The following SLC14A2 variants were observed in gnomAD, a reference collection of about 807,000 sequenced individuals.
SLC14A2 encodes solute carrier family 14 member 2.
A neutral mutation model predicts 104.6 loss-of-function variants in SLC14A2; 91 were observed. The observed-to-expected ratio is 0.87, with a 90% CI of 0.73 to 1.04. The LOEUF is 1.04. Ranked by LOEUF, SLC14A2 falls within the 50% of genes least tolerant of loss-of-function variation. The probability of loss-of-function intolerance (pLI) is 0.00; values close to 1 mark genes in which losing one functional copy is unlikely to be tolerated. For missense variants in SLC14A2, 1,189 were observed against 1,156.0 expected, an observed-to-expected ratio of 1.03 and a Z score of -0.41; for synonymous variants, 476 against 466.4, an observed-to-expected ratio of 1.02 and a Z score of -0.27.
chr18:45,571,978 A>G (rs909135552), intron 2 of SLC14A2, among the ~76,000 whole-genome samples: 1 of 152,194 alleles, frequency 6.6e-6, no homozygotes, highest in African/African-American at 2.4e-5. Flanking sequence ...CTTTTAAAAC[A>G]GTGCATAGAC....
chr18:45,561,510 G>A (rs918306847), intron 2 of SLC14A2, among the ~76,000 whole-genome samples: 7 of 152,156 alleles, frequency 4.6e-5, no homozygotes, highest in Non-Finnish European at 7.3e-5. Context: ...CTTATGCCAG[G>A]AGGAGGGGCA....
chr18:45,331,024 A>G (rs1217248015), intron 1 of SLC14A2, among the ~76,000 whole-genome samples: 1 of 152,256 alleles, frequency 6.6e-6, no homozygotes, highest in Non-Finnish European at 1.5e-5. Flanking sequence ...AAGGAACATA[A>G]GAAAATACAT....
intron 2 of SLC14A2, among the ~76,000 whole-genome samples, chr18:45,590,877 G>A (rs569991074): frequency 1.4e-4 from 22 of 152,334 alleles, no homozygotes; most frequent in East Asian, 9.6e-4. Flanking sequence ...ACCCTGCAAC[G>A]TAATGATATT....
At chr18:45,543,829 G>A (rs566165081) in intron 2 of SLC14A2, among the ~76,000 whole-genome samples, 7 of 152,228 alleles carry the variant, frequency 4.6e-5, no homozygotes, top group Non-Finnish European at 7.3e-5. Flanking sequence ...TTGCCTAACT[G>A]ATAAGAGTGG....
In SLC14A2 at chr18:45,296,338, C is replaced by T. The variant is rs73427977; in HGVS notation, c.-125+83147C>T. On this transcript the variant is annotated intron_variant, in intron 1 of 20. Coordinates refer to the SLC14A2 transcript ENST00000586448. The stretch of plus-strand genomic sequence containing the variant: ...AGAACAGTTCTTGCCTTCCAAAGAC[C>T]CTAAAACTTCTCTGCTAGTCAGAGA... 1.2e-3 allele frequency among the ~76,000 whole-genome samples: 188 copies of T among 152,226 alleles called. 1 individual carries two copies. Among genetic ancestry groups the T allele is most frequent in the African/African-American group, 4.2e-3 (174 of 41,518 alleles).
At chr18:45,177,255 C>CT in the SLC14A2 span, among the ~76,000 whole-genome samples, 86,270 of 151,922 alleles carry the variant, frequency 0.57, 25,058 homozygotes, top group Non-Finnish European at 0.64. Flanking sequence ...CCTAGCTGGT[C>CT]AACTGTGTCC....
intron 1 of SLC14A2, among the ~76,000 whole-genome samples, chr18:45,317,952 G>C (rs893555186): frequency 2.0e-5 from 3 of 151,832 alleles, no homozygotes; most frequent in African/African-American, 7.3e-5. Flanking sequence ...AAGAGCTTTG[G>C]AGCCCCACCT....
At chr18:45,316,079 C>T (rs1368458939) in intron 1 of SLC14A2, among the ~76,000 whole-genome samples, 2 of 152,158 alleles carry the variant, frequency 1.3e-5, no homozygotes. Flanking sequence ...GGAGCAAGTA[C>T]CCCACACCCT....
chr18:45,637,181 T>G lies in SLC14A2; in HGVS notation c.842T>G (p.Leu281Arg). 1 of 1,613,532 alleles carries G rather than the reference T, an allele frequency of 6.2e-7. No individual in the cohort carries two copies. Among genetic ancestry groups the G allele is most frequent in the Non-Finnish European group, 8.5e-7 (1 of 1,179,594 alleles). The change falls in exon 6 of 20, where the codon CTG becomes CGG. Residue 281 changes from leucine (L) to arginine (R), a missense_variant and splice_region_variant. By Grantham distance (102) the Leu-to-Arg change is moderately radical (BLOSUM62 -2). Transcript: ENST00000255226. ...NITWTEMEMP[L>R]LLQAIPVGVG... ...ACCTGGACAGAGATGGAAATGCCCC[T>G]GGTAAGTTACCCAGCGGTGATGAGT...
chr18:45,210,307 AG>A (rs1242258122), upstream of SLC14A2, among the ~76,000 whole-genome samples: 1 of 152,170 alleles, frequency 6.6e-6, no homozygotes, highest in East Asian at 1.9e-4. Flanking sequence ...AATAAAACAA[AG>A]GTGGCCTGGC....
intron 19 of SLC14A2, among the ~76,000 whole-genome samples, chr18:45,681,989 G>C (rs2046315327): frequency 6.6e-6 from 1 of 152,302 alleles, no homozygotes; most frequent in East Asian, 1.9e-4. Context: ...ATAGTTCCTA[G>C]AGTTAGAAGT....
intron 2 of SLC14A2, among the ~76,000 whole-genome samples, chr18:45,560,993 G>C (rs775571347): frequency 3.3e-5 from 5 of 152,182 alleles, no homozygotes; most frequent in Non-Finnish European, 5.9e-5. Context: ...GAGATACAAA[G>C]ATAAGGCATT....
At chr18:45,300,636 G>A (rs1183046714) in intron 1 of SLC14A2, among the ~76,000 whole-genome samples, 1 of 152,116 alleles carries the variant, frequency 6.6e-6, no homozygotes, top group Non-Finnish European at 1.5e-5. Context: ...AAAAATAATT[G>A]ATAGCTAATG....
intron 2 of SLC14A2, among the ~76,000 whole-genome samples, chr18:45,565,018 C>G (rs2144319791): frequency 6.6e-6 from 1 of 151,322 alleles, no homozygotes; most frequent in Admixed American, 6.6e-5. Context: ...GGATACAATT[C>G]AGATAGCTGT....
the SLC14A2 span, chr18:45,181,245 T>C: frequency 6.6e-6 from 1 of 152,312 alleles, no homozygotes. Context: ...AAGGACTCTC[T>C]TCGTCTTGCT....
chr18:45,627,177 A>T (rs1255465741), intron 4 of SLC14A2, 30 bp downstream of exon 4: 4 of 1,593,140 alleles, frequency 2.5e-6, no homozygotes. Context: ...GATTTTAGCA[A>T]GATGTGTGGA....
At chr18:45,233,199 G>C (rs1189952383) in intron 1 of SLC14A2, among the ~76,000 whole-genome samples, 1 of 152,150 alleles carries the variant, frequency 6.6e-6, no homozygotes, top group African/African-American at 2.4e-5. Flanking sequence ...CACAGAACCT[G>C]AGTGAACATC....
chr18:45,306,639 G>A (rs547728645), intron 1 of SLC14A2, among the ~76,000 whole-genome samples: 15 of 152,104 alleles, frequency 9.9e-5, no homozygotes, highest in Non-Finnish European at 1.5e-4. Flanking sequence ...TTTGGCCAAC[G>A]GTCATAGTCT....
At chr18:45,606,673 C>A (rs1331397523) in intron 2 of SLC14A2, among the ~76,000 whole-genome samples, 1 of 147,922 alleles carries the variant, frequency 6.8e-6, no homozygotes, top group East Asian at 2.0e-4. Context: ...AGGAAAAAAT[C>A]TTTTGTTTCA....
Sources: gnomAD v4.1 joint callset for allele counts (sites outside exome capture counted in the v4.1 genomes callset) on GRCh38, gnomAD v4.1.1 for gene constraint, MANE v1.5 for transcripts, NCBI Gene and HGNC (gene_info 2026-07-23, HGNC 2026-07-21) for gene names.